Variants in MYH14 observed in about 807,000 individuals in gnomAD.
MYH14 encodes myosin-14.
A neutral mutation model predicts 255.5 loss-of-function variants in MYH14; 123 were observed. That is an observed-to-expected ratio of 0.48 (90% confidence interval 0.42 to 0.56). MYH14 has a LOEUF of 0.56. Among genes scored for constraint, MYH14 ranks in the 20% least tolerant of loss-of-function variants. The pLI, the probability that MYH14 is intolerant of heterozygous loss-of-function variation, is 0.00. For missense variants in MYH14, 2,423 were observed against 2,802.3 expected (o/e 0.86, Z 3.06); for synonymous variants, 1,095 against 1,161.2 (o/e 0.94, Z 1.16).
chr19:50,258,789 C>A, intron 18 of MYH14: 1 of 221,994 alleles, frequency 4.5e-6, no homozygotes, highest in Non-Finnish European at 8.7e-6. Context: ...GATTTACCAG[C>A]TTTGGACAGA....
At position 50,257,299 on chromosome 19, in the gene MYH14, TG is replaced by T; in HGVS notation, c.2047del (p.Glu683ArgfsTer9). ...CTCTCTCTGCATCTCCATCTGACAGTGGAGGGCATCGTGGGGCTGGAACAGG... is the reference window on the plus strand; with the variant it reads ...CTCTCTCTGCATCTCCATCTGACAGTGAGGGCATCGTGGGGCTGGAACAGG... Reference protein sequence around the residue: ...RCSSAISPPGVEGIVGLEQVS... With the variant: ...RCSSAISPPGXEGIVGLEQVS... On this transcript the variant is annotated frameshift_variant and splice_region_variant, in exon 18 of 43. Transcript: ENST00000642316. LOFTEE classifies it high-confidence loss of function. 6.3e-7 allele frequency: 1 copy of T among 1,598,892 alleles called. No homozygotes were observed. The highest frequency in any genetic ancestry group is 1.1e-5 in the South Asian group (1 of 89,648).
Position 50,308,862 on chromosome 19 carries a change from A to G in MYH14, c.5788-143A>G, listed in dbSNP as rs1031999574. On this transcript the variant is annotated intron_variant, in intron 41 of 42. Transcript: ENST00000642316. ...GGCTGGCATGAGGGATTTAGGAGAA[A>G]AGAACAAGGCCTAAACAGAGAGCAG... 3 of 831,856 alleles carry G rather than the reference A, an allele frequency of 3.6e-6. No individual in the cohort carries two copies. In the African/African-American group the frequency reaches 5.2e-5, roughly 14 times the overall value. 51.5% of individuals were successfully genotyped at this position (831,856 alleles called of 1,614,324 possible).
chr19:50,281,507 C>T, intron 32 of MYH14, 87 bp from the exon 33 acceptor site: 1 of 1,506,758 alleles, frequency 6.6e-7, no homozygotes, highest in Non-Finnish European at 8.9e-7. Flanking sequence ...GCCTCAGTCT[C>T]TTCATCCTGG....
intron 33 of MYH14, 77 bp from the exon 34 acceptor site, chr19:50,286,405 G>A (rs956697282): frequency 6.0e-6 from 8 of 1,331,272 alleles, no homozygotes; most frequent in Non-Finnish European, 5.2e-6. Context: ...GTTCCTGGCT[G>A]CTCCCTCTTC....
Position 50,250,996 on chromosome 19 carries a change from C to T in MYH14, c.1830+308C>T, listed in dbSNP as rs760724852. ...CGGGGTGCCATTTGTGTGCCCAGCT[C>T]GGGGCCGAGCAAAGCTGGATACACA... On this transcript the variant is annotated intron_variant, in intron 15 of 42. Coordinates refer to ENST00000642316, the MANE Select transcript of MYH14 (RefSeq NM_001145809.2). This position sits in a 1 kb window ranked among gnomAD's most constrained non-coding sequence, Gnocchi z 5.4. Among the ~76,000 whole-genome samples the T allele has an allele frequency of 2.0e-5, 3 of 152,084 alleles. No homozygotes were observed. The highest frequency in any genetic ancestry group is 2.9e-5 in the Non-Finnish European group (2 of 68,008).
Position 50,249,486 on chromosome 19 carries a change from T to C in MYH14, c.1483-164T>C, listed in dbSNP as rs959470476. On this transcript the variant is annotated intron_variant, in intron 13 of 42. Transcript: ENST00000642316. ...CCCCTGTCTCTGGCTCTGTCCCCTGTCTCTGGGTCTCTGTCCCCCTCTCTC... is the reference window on the plus strand; with the variant it reads ...CCCCTGTCTCTGGCTCTGTCCCCTGCCTCTGGGTCTCTGTCCCCCTCTCTC... The C allele has an allele frequency of 1.2e-5, 9 of 741,734 alleles. 1 individual carries two copies. The Admixed American group carries it at 1.5e-4, about 13-fold the overall frequency. The allele number at this position is 741,734 out of a possible 1,614,324, so 45.9% of individuals were successfully genotyped here. A position where few individuals can be genotyped will look rare whatever the true frequency, so the allele number is the denominator to read the frequency against.
Position 50,217,689 on chromosome 19 carries a change from G to T in MYH14, c.480G>T (p.Glu160Asp). 2 of 1,614,022 alleles carry T rather than the reference G, an allele frequency of 1.2e-6. No homozygotes were observed. The highest frequency in any genetic ancestry group is 2.2e-5 in the South Asian group (2 of 91,090). The stretch of plus-strand genomic sequence containing the variant: ...CCATCTACACAGAAGCCATTGTGGA[G>T]ATGTACCGGGGCAAGAAGCGCCACG... The part of the protein sequence containing the change: ...QLPIYTEAIV[E>D]MYRGKKRHEV... The change falls in exon 3 of 43, where the codon GAG (glutamate) becomes GAT (aspartate). Residue 160 changes from glutamate (E) to aspartate (D), a missense_variant. Around this residue, in one of 3 missense-constraint regions of MYH14, gnomAD observed 238 missense variants for 245.8 expected, o/e 0.97. Coordinates refer to ENST00000642316, the MANE Select transcript of MYH14 (RefSeq NM_001145809.2).
intron 4 of MYH14, 48 bp from the exon 5 acceptor site, chr19:50,223,199 G>T: frequency 6.2e-7 from 1 of 1,608,006 alleles, no homozygotes; most frequent in Non-Finnish European, 8.5e-7. Context: ...TGGGGAGCTT[G>T]CCTGAGGTCA....
Position 50,244,217 on chromosome 19 carries a change from G to A in MYH14, c.1115-25G>A, listed in dbSNP as rs770216792. 17 of 1,607,910 alleles carry A rather than the reference G, an allele frequency of 1.1e-5. No homozygotes were observed. The East Asian group carries it at 2.9e-4, about 27-fold the overall frequency. On this transcript the variant is annotated intron_variant, in intron 10 of 42. Coordinates refer to ENST00000642316, the MANE Select transcript of MYH14 (RefSeq NM_001145809.2). ...CACACATCGGGGTCCAGAGCCACAC[G>A]TGACCTCTGTCCTTGCGTCCCCAGC...
chr19:50,237,174 A>C (rs985816497), intron 10 of MYH14, among the ~76,000 whole-genome samples: 1 of 152,174 alleles, frequency 6.6e-6, no homozygotes, highest in African/African-American at 2.4e-5. Context: ...CTTATCATGG[A>C]AAATTTCAAA....
chr19:50,240,623 G>A (rs986517270), intron 10 of MYH14, among the ~76,000 whole-genome samples: 1 of 150,726 alleles, frequency 6.6e-6, no homozygotes, highest in African/African-American at 2.4e-5. Flanking sequence ...AAAGGAAAAT[G>A]GAAGCACAGA....
intron 9 of MYH14, chr19:50,231,081 C>G (rs1402077189): frequency 1.1e-5 from 2 of 186,380 alleles, no homozygotes; most frequent in East Asian, 1.5e-4. Context: ...CGGAGTCCTC[C>G]TGTCCCTGCT....
At chr19:50,223,448 C>T in intron 5 of MYH14, 99 bp downstream of exon 5, 1 of 888,836 alleles carries the variant, frequency 1.1e-6, no homozygotes, top group Non-Finnish European at 1.8e-6. Flanking sequence ...TCATGGAGGT[C>T]CTTCTCCTAG....
In MYH14 at chr19:50,230,842, C is replaced by T. The variant is rs1235697644; in HGVS notation, c.973+219C>T. The T allele has an allele frequency of 3.7e-6, 2 of 539,640 alleles. No homozygotes were observed. The highest frequency in any genetic ancestry group is 3.3e-6 in the Non-Finnish European group (1 of 301,368). 33.4% of individuals were successfully genotyped at this position (539,640 alleles called of 1,614,324 possible). A position where few individuals can be genotyped will look rare whatever the true frequency, so the allele number is the denominator to read the frequency against. ...GGTTCCAGCTCTGTCCCGGGTCTGGCTCGCGCCCGCTGTCACGGCCACGCA... is the reference window on the plus strand; with the variant it reads ...GGTTCCAGCTCTGTCCCGGGTCTGGTTCGCGCCCGCTGTCACGGCCACGCA... On this transcript the variant is annotated intron_variant, in intron 9 of 42. Coordinates refer to ENST00000642316, the MANE Select transcript of MYH14 (RefSeq NM_001145809.2). This position sits in a 1 kb window ranked among gnomAD's most constrained non-coding sequence, Gnocchi z 4.7.
chr19:50,218,143 T>A (rs2032591025), intron 3 of MYH14, among the ~76,000 whole-genome samples: 1 of 151,818 alleles, frequency 6.6e-6, no homozygotes, highest in Non-Finnish European at 1.5e-5. Flanking sequence ...ACTACAGGCG[T>A]GCACCACTGC....
chr19:50,254,554 T>C (rs1457712850), intron 16 of MYH14, among the ~76,000 whole-genome samples: 2 of 151,920 alleles, frequency 1.3e-5, no homozygotes, highest in East Asian at 3.9e-4. Context: ...TCTCAGAGGG[T>C]TCCAAAAGAA....
Position 50,264,061 on chromosome 19 carries a change from A to AC in MYH14, c.2694+641_2694+642insC, listed in dbSNP as rs1367126031. Among the ~76,000 whole-genome samples the AC allele has an allele frequency of 6.0e-4, 51 of 85,172 alleles. 1 individual carries two copies. Among genetic ancestry groups the AC allele is most frequent in the Middle Eastern group, 0.013 (2 of 154 alleles). 55.9% of individuals were successfully genotyped at this position (85,172 alleles called of 152,430 possible). A position where few individuals can be genotyped will look rare whatever the true frequency, so the allele number is the denominator to read the frequency against. ...ATACAGCAAAACTCTGTCTCAAAAA[A>AC]AAAAAAAAAAAAAAAGAGCAAAGGT... is the stretch of plus-strand genomic sequence containing the variant. On this transcript the variant is annotated intron_variant, in intron 22 of 42. Coordinates refer to ENST00000642316, the MANE Select transcript of MYH14 (RefSeq NM_001145809.2).
intron 2 of MYH14, 40 bp from the exon 3 acceptor site, chr19:50,217,575 G>C (rs1337761523): frequency 6.2e-7 from 1 of 1,613,842 alleles, no homozygotes. Flanking sequence ...TCAGGCCGTG[G>C]GCAGCCATCT....
intron 18 of MYH14, 134 bp from the exon 19 acceptor site, chr19:50,259,010 G>T: frequency 8.3e-7 from 1 of 1,209,426 alleles, no homozygotes; most frequent in Non-Finnish European, 1.1e-6. Flanking sequence ...GTCTTCCCAG[G>T]GCCTAGAACC....
Sources: allele counts gnomAD v4.1 joint callset (sites outside exome capture counted in the v4.1 genomes callset), GRCh38; gene constraint gnomAD v4.1.1; regional missense constraint gnomAD v4.1.1; non-coding constraint Gnocchi (gnomAD v3.1); transcripts MANE v1.5; gene names NCBI Gene and HGNC (gene_info 2026-07-23, HGNC 2026-07-21).